LNX1: variants seen among roughly 807,000 people sequenced by gnomAD.
LNX1 encodes ligand of numb-protein X 1, also known as E3 ubiquitin-protein ligase LNX.
Under a neutral mutation model 68.4 loss-of-function variants are expected in LNX1, and 54 were observed. The ratio of observed to expected loss-of-function variants is 0.79; its 90% CI spans 0.63 to 0.99. The LOEUF (loss-of-function observed/expected upper bound fraction) is 0.99, where lower values mean the gene tolerates loss of function less well. LNX1 is among the 50% of genes least tolerant of loss of function. The pLI is 0.00. For synonymous variants in LNX1, 336 were observed against 350.0 expected (o/e 0.96, Z 0.45); for missense variants, 906 against 926.4 (o/e 0.98, Z 0.29).
exon 1 of LNX1, chr4:53,617,426 G>A (rs1358320493): frequency 6.6e-6 from 1 of 152,150 alleles, no homozygotes; most frequent in African/African-American, 2.4e-5. Context: ...GATTTAAGAT[G>A]ATCAAAACTG....
intron 9 of LNX1, among the ~76,000 whole-genome samples, chr4:53,463,219 G>A (rs1722325202): frequency 6.6e-6 from 1 of 151,976 alleles, no homozygotes; most frequent in Non-Finnish European, 1.5e-5. Context: ...AAGTCATAGT[G>A]TGCCTATTTT....
At chr4:53,584,920 A>G (rs899721196) in intron 1 of LNX1, among the ~76,000 whole-genome samples, 2 of 152,172 alleles carry the variant, frequency 1.3e-5, no homozygotes, top group Non-Finnish European at 2.9e-5. Context: ...TACTCAAAAC[A>G]TGACACACAC....
intron 2 of LNX1, among the ~76,000 whole-genome samples, chr4:53,567,627 G>T (rs1730793312): frequency 6.6e-6 from 1 of 151,838 alleles, no homozygotes; most frequent in African/African-American, 2.4e-5. Flanking sequence ...CTAGCAGAAG[G>T]CAAGAAATAA....
At chr4:53,534,058 G>C (rs957107219) in intron 2 of LNX1, among the ~76,000 whole-genome samples, 2 of 152,176 alleles carry the variant, frequency 1.3e-5, no homozygotes, top group Admixed American at 6.5e-5. Context: ...TACTTTACGA[G>C]TGTATCCAAG....
chr4:53,514,515 A>G (rs1380010348), intron 2 of LNX1, among the ~76,000 whole-genome samples: 1 of 151,862 alleles, frequency 6.6e-6, no homozygotes, highest in Non-Finnish European at 1.5e-5. Context: ...TCTCCTTTAT[A>G]AAACCATCAG....
intron 2 of LNX1, among the ~76,000 whole-genome samples, chr4:53,562,769 C>T (rs1577718029): frequency 6.6e-6 from 1 of 152,232 alleles, no homozygotes; most frequent in African/African-American, 2.4e-5. Flanking sequence ...TAAGTGAGTA[C>T]ATTTTAAGTG....
At chr4:53,599,180 CCAGA>C (rs1484827418) in intron 2 of LNX1, among the ~76,000 whole-genome samples, 1 of 152,142 alleles carries the variant, frequency 6.6e-6, no homozygotes, top group African/African-American at 2.4e-5. Flanking sequence ...GGCTGCATTC[CCAGA>C]CAGTTATGGC....
At chr4:53,508,372 C>G in intron 2 of LNX1, 145 bp from the exon 3 acceptor site, 1 of 966,694 alleles carries the variant, frequency 1.0e-6, no homozygotes, top group Non-Finnish European at 1.5e-6. Flanking sequence ...TCCTCTCTTC[C>G]CTTTTCACAC....
intron 4 of LNX1, among the ~76,000 whole-genome samples, chr4:53,499,158 T>A (rs1424755981): frequency 6.6e-6 from 1 of 152,088 alleles, no homozygotes; most frequent in East Asian, 1.9e-4. Flanking sequence ...TATTGTTATT[T>A]TTACCTTTTT....
chr4:53,576,032 A>G, intron 1 of LNX1: 8 of 1,569,648 alleles, frequency 5.1e-6, no homozygotes, highest in Admixed American at 1.8e-5. Context: ...CTGAAGCCCA[A>G]CACCTTCAGG....
intron 2 of LNX1, among the ~76,000 whole-genome samples, chr4:53,565,873 T>G (rs1460977672): frequency 1.3e-5 from 2 of 151,962 alleles, no homozygotes; most frequent in Non-Finnish European, 2.9e-5. Context: ...GGAGCCGACG[T>G]GATCAACTGG....
intron 2 of LNX1, chr4:53,558,265 G>A (rs1730065474): frequency 1.7e-6 from 2 of 1,173,394 alleles, no homozygotes; most frequent in South Asian, 2.2e-5. Context: ...CCTCCTGCAG[G>A]ATGCGGACTG....
At chr4:53,486,453 T>A (rs1294384419) in intron 6 of LNX1, among the ~76,000 whole-genome samples, 1 of 152,110 alleles carries the variant, frequency 6.6e-6, no homozygotes, top group African/African-American at 2.4e-5. Context: ...CCTGTGGACT[T>A]TAGCTTATTG....
chr4:53,481,885 G>A (rs759128981), intron 6 of LNX1, 31 bp from the exon 7 acceptor site: 1 of 1,534,038 alleles, frequency 6.5e-7, no homozygotes, highest in Non-Finnish European at 8.8e-7. Context: ...ATTAGCCACT[G>A]TCAGTTTCCA....
At chr4:53,630,142 C>A (rs1341257456) in intron 1 of LNX1, among the ~76,000 whole-genome samples, 1 of 151,978 alleles carries the variant, frequency 6.6e-6, no homozygotes, top group Non-Finnish European at 1.5e-5. Context: ...TTTCCCTTTA[C>A]CCTGTGCTAG....
chr4:53,586,287 G>A (rs191512114), intron 1 of LNX1, among the ~76,000 whole-genome samples: 23 of 152,228 alleles, frequency 1.5e-4, no homozygotes, highest in South Asian at 1.2e-3. Flanking sequence ...AACATGCTGC[G>A]CTCTATTCAG....
intron 2 of LNX1, among the ~76,000 whole-genome samples, chr4:53,559,066 C>A (rs142338961): frequency 3.4e-4 from 51 of 152,160 alleles, no homozygotes; most frequent in African/African-American, 1.1e-3. Context: ...AGAAATGGCT[C>A]GAAGGGATAA....
chr4:53,572,800 T>G (rs377224217), intron 2 of LNX1, among the ~76,000 whole-genome samples: 279 of 152,252 alleles, frequency 1.8e-3, no homozygotes, highest in South Asian at 0.015. Context: ...TGTGTGTGTG[T>G]GGGTGTGTGT....
chr4:53,542,457 A>AGCCATGGGAAG (rs1414865682), intron 2 of LNX1, among the ~76,000 whole-genome samples: 2 of 152,220 alleles, frequency 1.3e-5, no homozygotes, highest in African/African-American at 4.8e-5. Flanking sequence ...CATTAAGCCC[A>AGCCATGGGAAG]GCCATGGGAA....
Sources: allele counts gnomAD v4.1 joint callset (sites outside exome capture counted in the v4.1 genomes callset), GRCh38; gene constraint gnomAD v4.1.1; transcripts MANE v1.5; gene names NCBI Gene and HGNC (gene_info 2026-07-23, HGNC 2026-07-21).